Variants in MCPH1 observed in about 807,000 individuals in gnomAD.
MCPH1 encodes microcephalin 1, also known as microcephalin.
MCPH1 carries 104 observed loss-of-function variants against 84.5 expected under a neutral mutation model. The observed-to-expected ratio is 1.23, with a 90% CI of 1.05 to 1.45. MCPH1 has a LOEUF of 1.45. MCPH1 is among the 40% of genes most tolerant of loss of function. MCPH1 has a pLI of 0.00. For synonymous variants in MCPH1, 514 were observed against 366.8 expected (o/e 1.40, Z -4.58); for missense variants, 1,498 against 1,005.7 (o/e 1.49, Z -6.62).
intron 8 of MCPH1, among the ~76,000 whole-genome samples, chr8:6,451,839 G>A (rs3020272): frequency 2.0e-5 from 3 of 152,136 alleles, no homozygotes; most frequent in East Asian, 1.9e-4. Context: ...ATTTTTACAT[G>A]TTAAAATTAT....
chr8:6,489,506 T>C (rs1428126732), intron 11 of MCPH1, among the ~76,000 whole-genome samples: 1 of 152,136 alleles, frequency 6.6e-6, no homozygotes, highest in South Asian at 2.1e-4. Flanking sequence ...GTCAGAGACC[T>C]TGAAAAAAGC....
intron 12 of MCPH1, among the ~76,000 whole-genome samples, chr8:6,602,411 A>G (rs1434186630): frequency 6.6e-6 from 1 of 152,114 alleles, no homozygotes; most frequent in Non-Finnish European, 1.5e-5. Flanking sequence ...TGTCCGCAGG[A>G]CACCTGAGCC....
At chr8:6,617,152 G>C (rs1198561657) in intron 12 of MCPH1, 3 of 150,374 alleles carry the variant, frequency 2.0e-5, no homozygotes, top group Admixed American at 2.0e-4. Flanking sequence ...ATCATTAAAT[G>C]TGTTCTTCGG....
intron 12 of MCPH1, among the ~76,000 whole-genome samples, chr8:6,519,396 A>G (rs375488490): frequency 1.3e-5 from 2 of 152,350 alleles, no homozygotes; most frequent in East Asian, 3.9e-4. Context: ...ACAAGTCACT[A>G]TGCAGTCACA....
intron 13 of MCPH1, chr8:6,627,111 G>A: frequency 1.0e-6 from 1 of 984,688 alleles, no homozygotes; most frequent in Non-Finnish European, 1.2e-6. Context: ...TTCTCATGCT[G>A]GCCTGGCTCA....
At chr8:6,532,571 C>CA in intron 12 of MCPH1, 2 of 654,994 alleles carry the variant, frequency 3.1e-6, no homozygotes, top group Non-Finnish European at 4.2e-6. Flanking sequence ...TCCTCCCTAT[C>CA]TTTAAAAAAA....
Position 6,445,113 on chromosome 8 carries a change from T to G in MCPH1, c.1391T>G (p.Val464Gly), listed in dbSNP as rs768684344. Residue 464 changes from valine (V) to glycine (G), a missense_variant, in exon 8 of 14, where the codon GTT (valine) becomes GGT (glycine). By Grantham distance (109) the Val-to-Gly change is moderately radical (BLOSUM62 -3). Transcript: ENST00000344683. ...TTTGAAATGTCTGATTTTTCCTGCG[T>G]TGGCAAAAAAACCAGAACAGTTGAC... ...SIFEMSDFSC[V>G]GKKTRTVDIT... is the part of the protein sequence containing the mutation. 6.2e-7 allele frequency: 1 copy of G among 1,614,204 alleles called. No homozygotes were observed. The highest frequency in any genetic ancestry group is 2.2e-5 in the East Asian group (1 of 44,884).
intron 3 of MCPH1, among the ~76,000 whole-genome samples, chr8:6,431,208 C>T (rs193043833): frequency 1.3e-5 from 2 of 152,104 alleles, no homozygotes; most frequent in African/African-American, 2.4e-5. Flanking sequence ...TTTATGAGTA[C>T]CATGCACTAA....
intron 12 of MCPH1, among the ~76,000 whole-genome samples, chr8:6,545,489 C>T (rs1163757947): frequency 6.6e-6 from 1 of 152,148 alleles, no homozygotes; most frequent in Non-Finnish European, 1.5e-5. Context: ...CTAAATAATG[C>T]CTAATGAAAT....
At chr8:6,526,381 C>T (rs1002244323) in intron 12 of MCPH1, among the ~76,000 whole-genome samples, 2 of 150,172 alleles carry the variant, frequency 1.3e-5, no homozygotes, top group African/African-American at 4.9e-5. Flanking sequence ...ATGCAGTAAG[C>T]TGAGATGGCA....
At chr8:6,518,133 G>A (rs1816638104) in intron 12 of MCPH1, among the ~76,000 whole-genome samples, 1 of 152,180 alleles carries the variant, frequency 6.6e-6, no homozygotes, top group Non-Finnish European at 1.5e-5. Flanking sequence ...CTTAGACTGA[G>A]AAACATAGAT....
At chr8:6,535,927 C>T (rs1010693135) in intron 12 of MCPH1, among the ~76,000 whole-genome samples, 4 of 151,110 alleles carry the variant, frequency 2.6e-5, no homozygotes, top group African/African-American at 4.9e-5. Context: ...CCTGGTAGTG[C>T]GAGCCTGTAG....
intron 12 of MCPH1, among the ~76,000 whole-genome samples, chr8:6,572,370 G>A (rs376423647): frequency 6.6e-6 from 1 of 152,236 alleles, no homozygotes; most frequent in South Asian, 2.1e-4. Context: ...ATTTAAGAAT[G>A]CAAGTATCAA....
rs779394003 is a variant in MCPH1 at position 6,445,046 on chromosome 8, T to C, written c.1324T>C (p.Leu442=). 7.4e-6 allele frequency: 12 copies of C among 1,614,076 alleles called. No individual in the cohort carries two copies. The East Asian group carries it at 1.8e-4, about 24-fold the overall frequency. The change falls in exon 8 of 14, where the codon TTG becomes CTG. Residue 442 remains leucine, a synonymous_variant. Transcript: ENST00000344683. ...ESQLPSSPAQ[L]SCRSLSKKER... Reference sequence around the variant, plus strand: ...TCAGCTGCCATCAAGCCCTGCTCAGTTGAGCTGCAGAAGTCTTTCTAAGAA... The same window carrying C: ...TCAGCTGCCATCAAGCCCTGCTCAGCTGAGCTGCAGAAGTCTTTCTAAGAA...
At chr8:6,418,627 G>C (rs1390770632) in intron 3 of MCPH1, among the ~76,000 whole-genome samples, 1 of 152,050 alleles carries the variant, frequency 6.6e-6, no homozygotes, top group Non-Finnish European at 1.5e-5. Context: ...TCTGTCGCCA[G>C]GCTGGAGTGC....
intron 7 of MCPH1, among the ~76,000 whole-genome samples, chr8:6,442,642 A>AT (rs2129555397): frequency 6.6e-6 from 1 of 152,356 alleles, no homozygotes; most frequent in African/African-American, 2.4e-5. Context: ...TGTTACGCAC[A>AT]TACATGTTTG....
chr8:6,609,273 A>T (rs1237493643), intron 12 of MCPH1, among the ~76,000 whole-genome samples: 1 of 152,222 alleles, frequency 6.6e-6, no homozygotes, highest in African/African-American at 2.4e-5. Flanking sequence ...ACCAAAGCGC[A>T]TGGACGGGAC....
chr8:6,418,185 C>G (rs1799595481), intron 3 of MCPH1, among the ~76,000 whole-genome samples: 1 of 152,042 alleles, frequency 6.6e-6, no homozygotes, highest in African/African-American at 2.4e-5. Context: ...AGTCTCCTTC[C>G]CCTGGTCTCT....
intron 12 of MCPH1, chr8:6,514,786 C>G (rs765308460): frequency 1.9e-6 from 3 of 1,613,058 alleles, no homozygotes; most frequent in Admixed American, 3.3e-5. Context: ...GGCCTGCAAA[C>G]AGGAATGCAG....
Sources: gnomAD v4.1 joint callset for allele counts (sites outside exome capture counted in the v4.1 genomes callset) on GRCh38, gnomAD v4.1.1 for gene constraint, MANE v1.5 for transcripts, NCBI Gene and HGNC (gene_info 2026-07-23, HGNC 2026-07-21) for gene names.